The following RARB variants were observed in gnomAD, a reference collection of about 807,000 sequenced individuals.
RARB encodes HBV-activated protein.
RARB carries 17 observed loss-of-function variants against 51.9 expected under a neutral mutation model. The observed-to-expected ratio is 0.33, with a 90% confidence interval of 0.22 to 0.49. The LOEUF (loss-of-function observed/expected upper bound fraction) is 0.49. Ranked by LOEUF, RARB falls within the 20% of genes least tolerant of loss-of-function variation. RARB has a pLI of 0.99. For synonymous variants in RARB, 215 were observed against 195.4 expected (o/e 1.10, Z -0.84); for missense variants, 369 against 550.8 (o/e 0.67, Z 3.30).
At chr3:25,164,849 G>A (rs1004429976) in intron 4 of RARB, among the ~76,000 whole-genome samples, 1 of 152,122 alleles carries the variant, frequency 6.6e-6, no homozygotes, top group Non-Finnish European at 1.5e-5. Flanking sequence ...AAGAGTTCAG[G>A]AATCTCAGCT....
At chr3:25,250,685 A>G (rs1462478397) in intron 5 of RARB, among the ~76,000 whole-genome samples, 2 of 152,146 alleles carry the variant, frequency 1.3e-5, no homozygotes, top group African/African-American at 4.8e-5. Context: ...ACCCCAGGGT[A>G]GGATGCAGTC....
At chr3:25,453,909 A>G (rs958898764) in intron 1 of RARB, among the ~76,000 whole-genome samples, 1 of 152,328 alleles carries the variant, frequency 6.6e-6, no homozygotes, top group Non-Finnish European at 1.5e-5. Context: ...GCTTAATAAT[A>G]ACAAAGCCAG....
At chr3:25,008,722 C>T (rs1432780630) in intron 2 of RARB, among the ~76,000 whole-genome samples, 1 of 152,110 alleles carries the variant, frequency 6.6e-6, no homozygotes, top group Non-Finnish European at 1.5e-5. Context: ...CCCAGTCAGT[C>T]CATTCCCAGA....
At chr3:25,004,980 T>A (rs534944944) in intron 2 of RARB, among the ~76,000 whole-genome samples, 1 of 152,176 alleles carries the variant, frequency 6.6e-6, no homozygotes, top group South Asian at 2.1e-4. Context: ...TTCGTTTTGC[T>A]AGTCTTGTAG....
chr3:25,389,527 G>A (rs1217381667), intron 5 of RARB, among the ~76,000 whole-genome samples: 5 of 152,180 alleles, frequency 3.3e-5, no homozygotes, highest in Non-Finnish European at 7.3e-5. Context: ...TTAAACTACA[G>A]TAATACATGC....
intron 5 of RARB, among the ~76,000 whole-genome samples, chr3:25,206,184 G>C (rs7631296): frequency 0.81 from 122,939 of 152,148 alleles, 49,837 homozygotes; most frequent in Admixed American, 0.85. Context: ...TTTTCCAGCT[G>C]TAATAATATT....
At chr3:25,305,466 G>T (rs932118610) in intron 5 of RARB, among the ~76,000 whole-genome samples, 1 of 152,164 alleles carries the variant, frequency 6.6e-6, no homozygotes, top group African/African-American at 2.4e-5. Flanking sequence ...TTGTTTAAAG[G>T]CTTATTTTAA....
At chr3:25,259,879 T>A (rs1332973019) in intron 5 of RARB, 1 of 981,172 alleles carries the variant, frequency 1.0e-6, no homozygotes, top group East Asian at 1.1e-4. Context: ...GATTTGAGCT[T>A]CTTTCCTGGA....
chr3:25,571,923 C>A (rs1700727305), intron 4 of RARB, among the ~76,000 whole-genome samples: 1 of 152,218 alleles, frequency 6.6e-6, no homozygotes, highest in Non-Finnish European at 1.5e-5. Context: ...AGACCTGGCC[C>A]CCATGCTGGG....
intron 3 of RARB, among the ~76,000 whole-genome samples, chr3:25,069,152 G>A (rs1234624390): frequency 6.6e-6 from 1 of 151,962 alleles, no homozygotes; most frequent in Non-Finnish European, 1.5e-5. Context: ...TAAGGAAGAA[G>A]GAAAGGGAAG....
At chr3:25,593,083 CA>C (rs1701674508) in intron 5 of RARB, among the ~76,000 whole-genome samples, 1 of 151,864 alleles carries the variant, frequency 6.6e-6, no homozygotes, top group Non-Finnish European at 1.5e-5. Context: ...AGGGTATGTA[CA>C]AAACTTGATA....
At chr3:25,555,618 G>A (rs1272897776) in intron 3 of RARB, 2 of 152,160 alleles carry the variant, frequency 1.3e-5, no homozygotes, top group South Asian at 4.1e-4. Context: ...ATCACATTAA[G>A]AATTGACTGC....
chr3:25,165,611 A>G (rs1700549167), intron 4 of RARB, among the ~76,000 whole-genome samples: 1 of 152,168 alleles, frequency 6.6e-6, no homozygotes, highest in Non-Finnish European at 1.5e-5. Flanking sequence ...TTGTACAAGG[A>G]GTTGCCTACC....
At chr3:24,861,936 T>G (rs78114081) in intron 2 of RARB, among the ~76,000 whole-genome samples, 7,425 of 152,308 alleles carry the variant, frequency 0.049, 639 homozygotes, top group African/African-American at 0.17. Flanking sequence ...GGACAAGGTA[T>G]GTATAATTCC....
At chr3:25,059,719 T>C (rs1324491237) in intron 2 of RARB, among the ~76,000 whole-genome samples, 2 of 151,504 alleles carry the variant, frequency 1.3e-5, no homozygotes, top group South Asian at 4.2e-4. Context: ...AGAATACGAG[T>C]AATAGAAGGG....
intron 3 of RARB, among the ~76,000 whole-genome samples, chr3:25,114,976 T>A (rs1165562719): frequency 1.3e-5 from 2 of 152,220 alleles, no homozygotes; most frequent in Non-Finnish European, 2.9e-5. Flanking sequence ...CCAATGTATT[T>A]AGCTCAGGTT....
chr3:24,899,924 C>T (rs1265594558), intron 2 of RARB, among the ~76,000 whole-genome samples: 1 of 150,902 alleles, frequency 6.6e-6, no homozygotes. Flanking sequence ...ATTGGGATTT[C>T]TTTTTTTTTG....
intron 4 of RARB, among the ~76,000 whole-genome samples, chr3:25,161,320 T>C (rs1700469954): frequency 6.6e-6 from 1 of 152,150 alleles, no homozygotes; most frequent in Non-Finnish European, 1.5e-5. Context: ...GTGCTGGGAT[T>C]ACAGGTGTGA....
intron 5 of RARB, among the ~76,000 whole-genome samples, chr3:25,408,088 C>A (rs1468970181): frequency 6.6e-6 from 1 of 152,148 alleles, no homozygotes; most frequent in East Asian, 1.9e-4. Context: ...AAAACCTTGT[C>A]TCAATGTCTG....
Sources: allele counts gnomAD v4.1 joint callset (sites outside exome capture counted in the v4.1 genomes callset), GRCh38; gene constraint gnomAD v4.1.1; transcripts MANE v1.5; gene names NCBI Gene and HGNC (gene_info 2026-07-23, HGNC 2026-07-21).